The following PACSIN2 variants were observed in gnomAD, a reference collection of about 807,000 sequenced individuals.
PACSIN2 encodes protein kinase C and casein kinase substrate in neurons 2.
PACSIN2 carries 25 observed loss-of-function variants against 63.8 expected under a neutral mutation model. That is an observed-to-expected ratio of 0.39 (90% CI 0.29 to 0.55). The LOEUF (loss-of-function observed/expected upper bound fraction) is 0.55, where lower values mean the gene tolerates loss of function less well. Among genes scored for constraint, PACSIN2 ranks in the 20% least tolerant of loss-of-function variants. PACSIN2 has a pLI of 0.62. For missense variants in PACSIN2, 518 were observed against 646.9 expected, an observed-to-expected ratio of 0.80 and a Z score of 2.16; for synonymous variants, 255 against 256.2, an observed-to-expected ratio of 1.00 and a Z score of 0.05.
intron 1 of PACSIN2, among the ~76,000 whole-genome samples, chr22:42,924,515 C>T (rs1055824261): frequency 3.3e-5 from 5 of 151,990 alleles, no homozygotes; most frequent in Admixed American, 6.5e-5. Flanking sequence ...CTTAAGCCCC[C>T]CATGCAGAGT....
chr22:42,923,697 C>G (rs8141945), intron 1 of PACSIN2, among the ~76,000 whole-genome samples: 65,092 of 152,004 alleles, frequency 0.43, 14,542 homozygotes, highest in Non-Finnish European at 0.48. Flanking sequence ...AAAGTGCTGG[C>G]ATTACAGGCG....
chr22:42,929,168 C>T (rs1278490462), intron 1 of PACSIN2, among the ~76,000 whole-genome samples: 5 of 152,202 alleles, frequency 3.3e-5, no homozygotes, highest in East Asian at 1.9e-4. Flanking sequence ...CCCCAATGTC[C>T]GGGCTTGAGC....
chr22:42,917,423 A>T (rs1931883749), intron 1 of PACSIN2, among the ~76,000 whole-genome samples: 1 of 152,182 alleles, frequency 6.6e-6, no homozygotes. Context: ...CCTGGGCAAC[A>T]TAGTGAGATC....
At chr22:43,014,706 G>A (rs1013211630) in intron 1 of PACSIN2, among the ~76,000 whole-genome samples, 4 of 149,048 alleles carry the variant, frequency 2.7e-5, no homozygotes, top group African/African-American at 1.0e-4. Context: ...TCCCTCTCCA[G>A]CAGGCCCCGG....
At chr22:42,945,238 G>A (rs986848146) in intron 1 of PACSIN2, among the ~76,000 whole-genome samples, 12 of 152,148 alleles carry the variant, frequency 7.9e-5, no homozygotes, top group Non-Finnish European at 1.8e-4. Context: ...AATCAGTGGG[G>A]GACGAGGGCA....
chr22:42,999,912 G>T (rs1477468219), intron 1 of PACSIN2, among the ~76,000 whole-genome samples: 5 of 152,258 alleles, frequency 3.3e-5, no homozygotes, highest in African/African-American at 1.2e-4. Flanking sequence ...CAGGCTCAGA[G>T]GCACCGATGG....
intron 1 of PACSIN2, among the ~76,000 whole-genome samples, chr22:42,987,659 G>C (rs1838401126): frequency 6.7e-6 from 1 of 150,332 alleles, no homozygotes; most frequent in South Asian, 2.1e-4. Context: ...AGCGTCCCAA[G>C]TAGCTGGGAC....
At position 42,981,402 on chromosome 22, in the gene PACSIN2, G is replaced by C. The variant is rs1470386071; in HGVS notation, c.-78+33619C>G. ...CCAGCCGCCCCGTCCGGGAGGTGAG[G>C]GGCGCCTCTGCCCGGCCGCCCCTAC... On this transcript the variant is annotated intron_variant, in intron 1 of 10. Transcript: ENST00000263246. Among the ~76,000 whole-genome samples, 3 of 136,512 alleles carry C rather than the reference G, an allele frequency of 2.2e-5. No individual in the cohort carries two copies. In the East Asian group the frequency reaches 7.2e-4, roughly 33 times the overall value. 89.6% of individuals were successfully genotyped at this position (136,512 alleles called of 152,430 possible).
chr22:43,007,740 C>A (rs1924187493), intron 1 of PACSIN2, among the ~76,000 whole-genome samples: 1 of 152,200 alleles, frequency 6.6e-6, no homozygotes, highest in Non-Finnish European at 1.5e-5. Flanking sequence ...AGTTTCCAGG[C>A]CTGCTGCCTA....
intron 1 of PACSIN2, among the ~76,000 whole-genome samples, chr22:42,923,719 G>A (rs900626380): frequency 1.6e-4 from 24 of 152,282 alleles, no homozygotes; most frequent in African/African-American, 5.5e-4. Context: ...GAGCCACTGC[G>A]CCCGGCCTCA....
rs777530387 is a variant in PACSIN2 at position 42,874,852 on chromosome 22, C to CTTTTT, written c.1348+1280_1348+1284dup. On this transcript the variant is annotated intron_variant, in intron 10 of 10. Transcript: ENST00000263246. ...TCTGAGTCTTGGCATTGGGCATCCGCTTTTTTTTTTTTTTTTGAAAAAGAG... is the reference window on the plus strand; with the variant it reads ...TCTGAGTCTTGGCATTGGGCATCCGCTTTTTTTTTTTTTTTTTTTTTGAAAAAGAG... Among the ~76,000 whole-genome samples, 220 of 128,156 alleles carry CTTTTT rather than the reference C, an allele frequency of 1.7e-3. 5 individuals are homozygous for CTTTTT. Among genetic ancestry groups the CTTTTT allele is most frequent in the South Asian group, 4.5e-3 (18 of 4,010 alleles). 84.1% of individuals were successfully genotyped at this position (128,156 alleles called of 152,430 possible).
intron 1 of PACSIN2, among the ~76,000 whole-genome samples, chr22:42,945,155 G>A (rs1933358220): frequency 6.6e-6 from 1 of 151,790 alleles, no homozygotes; most frequent in African/African-American, 2.4e-5. Flanking sequence ...TGCTTAGCAT[G>A]AGGTAGATGC....
chr22:42,892,332 G>A (rs570271486), intron 3 of PACSIN2, among the ~76,000 whole-genome samples: 9 of 152,264 alleles, frequency 5.9e-5, no homozygotes, highest in African/African-American at 9.6e-5. Context: ...GGGAGGGCAG[G>A]CTGTGAGAAC....
chr22:42,950,603 C>A (rs1446110446), intron 1 of PACSIN2, among the ~76,000 whole-genome samples: 1 of 152,156 alleles, frequency 6.6e-6, no homozygotes, highest in Non-Finnish European at 1.5e-5. Flanking sequence ...AACAGCAGCC[C>A]CAGCCAACTA....
chr22:42,987,809 C>T (rs1007752644), intron 1 of PACSIN2, among the ~76,000 whole-genome samples: 12 of 152,006 alleles, frequency 7.9e-5, no homozygotes, highest in African/African-American at 2.9e-4. Context: ...GCTCGGATTA[C>T]AGGCATGAGC....
intron 1 of PACSIN2, among the ~76,000 whole-genome samples, chr22:42,940,111 T>G (rs1020716233): frequency 1.3e-5 from 2 of 152,304 alleles, no homozygotes; most frequent in African/African-American, 4.8e-5. Flanking sequence ...AGCGGGACAA[T>G]GCTTGCTATC....
intron 1 of PACSIN2, chr22:42,945,968 C>T (rs1164318672): frequency 6.5e-6 from 1 of 152,980 alleles, no homozygotes; most frequent in Non-Finnish European, 1.5e-5. Context: ...AGCCTCACCA[C>T]TCACACCACA....
chr22:43,010,044 A>G (rs1262750537), intron 1 of PACSIN2, among the ~76,000 whole-genome samples: 1 of 151,110 alleles, frequency 6.6e-6, no homozygotes, highest in Non-Finnish European at 1.5e-5. Flanking sequence ...TAATTTTTGT[A>G]TTTTCAGCAG....
intron 2 of PACSIN2, among the ~76,000 whole-genome samples, chr22:42,901,944 G>C (rs933592163): frequency 2.0e-5 from 3 of 152,206 alleles, no homozygotes; most frequent in Non-Finnish European, 4.4e-5. Context: ...GTGGTGCAGA[G>C]GGAGCAGTTT....
Sources: gnomAD v4.1 joint callset for allele counts (sites outside exome capture counted in the v4.1 genomes callset) on GRCh38, gnomAD v4.1.1 for gene constraint, MANE v1.5 for transcripts, NCBI Gene and HGNC (gene_info 2026-07-23, HGNC 2026-07-21) for gene names.